The following CYTH1 variants were observed in gnomAD, a reference collection of about 807,000 sequenced individuals.
CYTH1 encodes cytohesin 1, also known as cytohesin-1.
CYTH1 carries 18 observed loss-of-function variants against 61.8 expected under a neutral mutation model. The ratio of observed to expected loss-of-function variants is 0.29; its 90% confidence interval spans 0.20 to 0.43. The LOEUF is 0.43. Among genes scored for constraint, CYTH1 ranks in the 20% least tolerant of loss-of-function variants. The pLI is 1.00. For missense variants in CYTH1, 336 were observed against 510.5 expected (o/e 0.66, Z 3.29); for synonymous variants, 174 against 184.3 (o/e 0.94, Z 0.45).
intron 3 of CYTH1, among the ~76,000 whole-genome samples, chr17:78,705,033 A>T (rs2093051184): frequency 6.6e-6 from 1 of 152,164 alleles, no homozygotes; most frequent in South Asian, 2.1e-4. Context: ...TTTTTTCTAA[A>T]TCCAGGAAGA....
intron 11 of CYTH1, among the ~76,000 whole-genome samples, chr17:78,681,821 G>C (rs2092766209): frequency 7.0e-6 from 1 of 142,062 alleles, no homozygotes; most frequent in African/African-American, 2.7e-5. Flanking sequence ...CTGGGTGACA[G>C]AGCAAGACTC....
At chr17:78,682,696 A>C (rs1159583310) in intron 11 of CYTH1, among the ~76,000 whole-genome samples, 1 of 152,224 alleles carries the variant, frequency 6.6e-6, no homozygotes, top group Non-Finnish European at 1.5e-5. Flanking sequence ...CCCTCCTCCA[A>C]GACTGGGAAG....
At chr17:78,721,067 G>T (rs887178401) in intron 1 of CYTH1, among the ~76,000 whole-genome samples, 1 of 152,172 alleles carries the variant, frequency 6.6e-6, no homozygotes, top group Non-Finnish European at 1.5e-5. Context: ...GGTGGCTCAC[G>T]CCTTGTAATC....
At chr17:78,750,660 G>A (rs1361112909) in intron 1 of CYTH1, among the ~76,000 whole-genome samples, 1 of 151,990 alleles carries the variant, frequency 6.6e-6, no homozygotes, top group Non-Finnish European at 1.5e-5. Context: ...ACAAAAATTA[G>A]ATGGGTGAGG....
chr17:78,755,376 C>T (rs1352727021), intron 1 of CYTH1, among the ~76,000 whole-genome samples: 2 of 151,824 alleles, frequency 1.3e-5, no homozygotes, highest in East Asian at 1.9e-4. Context: ...TCAAGTGATC[C>T]GCTCGCCTCG....
rs576644723 is a variant in CYTH1 at position 78,703,939 on chromosome 17, A to G, written c.171-1335T>C. On this transcript the variant is annotated intron_variant, in intron 3 of 13. Transcript: ENST00000446868. ...GGACACGTTTTCATTTTCCTTGGGT[A>G]GATACCCAGGGGTGGACACTGCTGG... is the stretch of plus-strand genomic sequence containing the variant. 2.6e-5 allele frequency among the ~76,000 whole-genome samples: 4 copies of G among 152,354 alleles called. No individual in the cohort carries two copies. The South Asian group carries it at 6.2e-4, about 24-fold the overall frequency.
At chr17:78,777,462 C>T (rs2093497260) in intron 1 of CYTH1, among the ~76,000 whole-genome samples, 2 of 151,962 alleles carry the variant, frequency 1.3e-5, no homozygotes, top group Non-Finnish European at 2.9e-5. Flanking sequence ...AATAAACAAA[C>T]CAGTAAAGAT....
At chr17:78,690,225 C>T (rs1351628972) in intron 11 of CYTH1, among the ~76,000 whole-genome samples, 3 of 151,180 alleles carry the variant, frequency 2.0e-5, no homozygotes, top group Non-Finnish European at 4.4e-5. Flanking sequence ...GAAACCCCGT[C>T]TCTACTAAAA....
At chr17:78,761,594 C>T (rs1270295568) in intron 1 of CYTH1, among the ~76,000 whole-genome samples, 1 of 151,982 alleles carries the variant, frequency 6.6e-6, no homozygotes, top group African/African-American at 2.4e-5. Flanking sequence ...AAAAATCAGC[C>T]GGGCGTGGTG....
chr17:78,745,630 A>T (rs2093356754), intron 1 of CYTH1, among the ~76,000 whole-genome samples: 1 of 152,196 alleles, frequency 6.6e-6, no homozygotes, highest in African/African-American at 2.4e-5. Flanking sequence ...GCAGTGGCTC[A>T]CCCCTGTAAT....
chr17:78,734,561 C>A (rs2093311753), intron 1 of CYTH1, among the ~76,000 whole-genome samples: 1 of 150,956 alleles, frequency 6.6e-6, no homozygotes, highest in East Asian at 2.0e-4. Flanking sequence ...CTGCCTCAGC[C>A]TCCAAGTAGC....
intron 13 of CYTH1, chr17:78,677,453 G>A (rs989183590): frequency 2.6e-5 from 5 of 195,560 alleles, no homozygotes; most frequent in Admixed American, 2.3e-4. Context: ...AGCTGGAGAT[G>A]CCCCACCTCC....
At chr17:78,728,818 T>A (rs1277178515) in intron 1 of CYTH1, among the ~76,000 whole-genome samples, 1 of 152,148 alleles carries the variant, frequency 6.6e-6, no homozygotes, top group Non-Finnish European at 1.5e-5. Context: ...AAAAATAGGA[T>A]TATTCAGTCA....
At chr17:78,725,009 T>C (rs543819506) in intron 1 of CYTH1, among the ~76,000 whole-genome samples, 1 of 152,238 alleles carries the variant, frequency 6.6e-6, no homozygotes, top group East Asian at 1.9e-4. Flanking sequence ...TTCTACAAAA[T>C]GTATATTGAG....
chr17:78,720,543 T>C (rs2093219212), intron 1 of CYTH1, among the ~76,000 whole-genome samples: 2 of 151,658 alleles, frequency 1.3e-5, no homozygotes, highest in African/African-American at 4.8e-5. Flanking sequence ...GGTCTCAAAC[T>C]CCTGACCTCA....
chr17:78,730,203 C>T (rs1016535166), intron 1 of CYTH1, among the ~76,000 whole-genome samples: 2 of 151,810 alleles, frequency 1.3e-5, no homozygotes, highest in African/African-American at 4.8e-5. Context: ...GGGAAAGAGA[C>T]TTTAGACACC....
At position 78,692,445 on chromosome 17, in the gene CYTH1, T is replaced by C. The variant is rs762842090; in HGVS notation, c.863A>G (p.Asn288Ser). ...GGTATACTCAAAGTAGTAAAGGCAG[T>C]TGTCAGTCAGAATGAACCAGCGTCT... ...WKRRWFILTD[N>S]CLYYFEYTTD... Residue 288 changes from asparagine to serine, a missense_variant, in exon 11 of 14, where the codon AAC becomes AGC. Asn to Ser is a conservative substitution (Grantham distance 46). Around this residue, in one of 4 missense-constraint regions of CYTH1, gnomAD observed 16 missense variants for 57.9 expected, o/e 0.28. Transcript: ENST00000446868. 13 of 1,613,922 alleles carry C rather than the reference T, an allele frequency of 8.1e-6. No individual in the cohort carries two copies. The highest frequency in any genetic ancestry group is 1.6e-4 in the Middle Eastern group (1 of 6,084).
At chr17:78,729,937 C>T (rs2093284278) in intron 1 of CYTH1, among the ~76,000 whole-genome samples, 1 of 152,166 alleles carries the variant, frequency 6.6e-6, no homozygotes, top group South Asian at 2.1e-4. Flanking sequence ...TTCTGCCTAT[C>T]TGTATATCTG....
At chr17:78,702,375 C>T (rs1006744139) in intron 4 of CYTH1, 135 bp from the exon 5 acceptor site, 5 of 993,282 alleles carry the variant, frequency 5.0e-6, no homozygotes, top group Admixed American at 4.5e-5. Context: ...CCTATAAAGC[C>T]GGGGAGTCAC....
Sources: allele counts gnomAD v4.1 joint callset (sites outside exome capture counted in the v4.1 genomes callset), GRCh38; gene constraint gnomAD v4.1.1; regional missense constraint gnomAD v4.1.1; transcripts MANE v1.5; gene names NCBI Gene and HGNC (gene_info 2026-07-23, HGNC 2026-07-21).